Variants in F9 observed in about 807,000 individuals in gnomAD.
F9 encodes coagulation factor IX, also known as Christmas factor.
F9 carries 2 observed loss-of-function variants against 34.1 expected under a neutral mutation model. That is an observed-to-expected ratio of 0.06 (90% CI 0.02 to 0.18). The LOEUF is 0.18. F9 is among the 10% of genes least tolerant of loss of function. F9 has a pLI of 1.00. For missense variants in F9, 216 were observed against 345.1 expected (o/e 0.63, Z 2.96); for synonymous variants, 137 against 118.8 (o/e 1.15, Z -1.00).
chrX:139,541,440 G>A (rs949951675), intron 4 of F9, among the ~76,000 whole-genome samples: 1 of 111,588 alleles, frequency 9.0e-6, no homozygotes, highest in South Asian at 3.8e-4. Flanking sequence ...TAATACAACC[G>A]TATGTGGTTA....
chrX:139,530,982 C>G (rs887820254), intron 1 of F9, 130 bp downstream of exon 1: 1 of 572,888 alleles, frequency 1.7e-6, no homozygotes, highest in Non-Finnish European at 3.0e-6. Flanking sequence ...ACAGCCAGCA[C>G]GCAGGTTGGT....
intron 1 of F9, among the ~76,000 whole-genome samples, chrX:139,534,959 G>A (rs984273743): frequency 6.3e-5 from 7 of 111,692 alleles, no homozygotes; most frequent in Non-Finnish European, 1.3e-4. Flanking sequence ...GGAAGAGAAG[G>A]ATGAAGGCAG....
At position 139,549,342 on chromosome X, in the gene F9, G is replaced by A. The variant is rs1222519102; in HGVS notation, c.520+851G>A. 8.1e-5 allele frequency among the ~76,000 whole-genome samples: 9 copies of A among 111,250 alleles called. No homozygotes were observed. In the Admixed American group the frequency reaches 8.6e-4, roughly 11 times the overall value. ...ACCTGTCTCAGCACTATACCAGGCA[G>A]AAGAAATTAAAGAAAGAACCAGTGC... On this transcript the variant is annotated intron_variant, in intron 5 of 7. Transcript: ENST00000218099.
At chrX:139,556,215 C>T (rs1195728737) in intron 6 of F9, among the ~76,000 whole-genome samples, 1 of 111,948 alleles carries the variant, frequency 8.9e-6, no homozygotes, top group Non-Finnish European at 1.9e-5. Context: ...TTAAGCTTTC[C>T]TTATGCTTAT....
chrX:139,541,016 G>T (rs1014069277), intron 3 of F9, 60 bp from the exon 4 acceptor site: 21 of 853,641 alleles, frequency 2.5e-5, no homozygotes, highest in Non-Finnish European at 3.6e-5. Flanking sequence ...TATCTACAGG[G>T]GAGGACCGGG....
chrX:139,557,401 G>T (rs1192942875), intron 6 of F9, among the ~76,000 whole-genome samples: 2 of 111,963 alleles, frequency 1.8e-5, no homozygotes, highest in Non-Finnish European at 3.8e-5. Flanking sequence ...TTGGTCAGGG[G>T]TTGGCAAAAA....
chrX:139,536,212 C>CTGTGT (rs1256464729), intron 1 of F9, among the ~76,000 whole-genome samples: 2 of 74,456 alleles, frequency 2.7e-5, no homozygotes, highest in African/African-American at 1.0e-4. Context: ...CATATATACA[C>CTGTGT]ACACATATAT....
chrX:139,559,243 T>G (rs1928040286), intron 6 of F9, among the ~76,000 whole-genome samples: 1 of 112,176 alleles, frequency 8.9e-6, no homozygotes, highest in Admixed American at 9.4e-5. Context: ...ATTTCAGAAT[T>G]AAAAGCAACA....
chrX:139,558,514 A>C lies in F9; in HGVS notation c.724-2227A>C, dbSNP rs1056074509. 2.6e-5 allele frequency among the ~76,000 whole-genome samples: 3 copies of C among 113,344 alleles called. No homozygotes were observed. The Admixed American group carries it at 2.8e-4, about 10-fold the overall frequency. ...AATATCCCCATGCTAGAAGGAGCAAAATATTAAATGGCAAATTTTAAAAAT... is the reference window on the plus strand; with the variant it reads ...AATATCCCCATGCTAGAAGGAGCAACATATTAAATGGCAAATTTTAAAAAT... On this transcript the variant is annotated intron_variant, in intron 6 of 7. Coordinates refer to ENST00000218099, the MANE Select transcript of F9 (RefSeq NM_000133.4).
chrX:139,539,577 A>G (rs1222755919), intron 3 of F9, among the ~76,000 whole-genome samples: 2 of 112,716 alleles, frequency 1.8e-5, no homozygotes, highest in Non-Finnish European at 3.7e-5. Context: ...TTTTAACGAC[A>G]TGTCTCAGCA....
At chrX:139,543,173 A>C (rs1228989899) in intron 4 of F9, among the ~76,000 whole-genome samples, 1 of 109,857 alleles carries the variant, frequency 9.1e-6, no homozygotes, top group Non-Finnish European at 1.9e-5. Flanking sequence ...GATTTTCATC[A>C]ATAAGAGTTT....
intron 1 of F9, among the ~76,000 whole-genome samples, chrX:139,533,186 A>G (rs180812768): frequency 1.8e-5 from 2 of 112,231 alleles, no homozygotes; most frequent in East Asian, 5.6e-4. Flanking sequence ...CCATCTGGGT[A>G]TGGAAGGGGA....
intron 5 of F9, among the ~76,000 whole-genome samples, chrX:139,549,118 G>C (rs186238187): frequency 1.8e-5 from 2 of 111,521 alleles, no homozygotes; most frequent in African/African-American, 6.5e-5. Context: ...CTCCATGTTC[G>C]TATGGCTGTT....
At chrX:139,558,449 C>T (rs1049245770) in intron 6 of F9, among the ~76,000 whole-genome samples, 1 of 113,555 alleles carries the variant, frequency 8.8e-6, no homozygotes, top group Non-Finnish European at 1.9e-5. Flanking sequence ...TTGTAGGGTG[C>T]ACTTCCTGGG....
intron 4 of F9, chrX:139,544,944 T>C (rs1313863355): frequency 9.0e-6 from 1 of 111,612 alleles, no homozygotes; most frequent in Non-Finnish European, 1.9e-5. Flanking sequence ...TTGGATATGC[T>C]TGGGTACCCA....
At chrX:139,539,391 C>A (rs1274882056) in intron 3 of F9, among the ~76,000 whole-genome samples, 1 of 112,179 alleles carries the variant, frequency 8.9e-6, no homozygotes, top group Non-Finnish European at 1.9e-5. Context: ...GCCTTCAAAT[C>A]TAAATGCAGT....
At chrX:139,542,758 G>A (rs1927630760) in intron 4 of F9, among the ~76,000 whole-genome samples, 1 of 111,722 alleles carries the variant, frequency 9.0e-6, no homozygotes, top group South Asian at 3.7e-4. Context: ...AACAGAGTTT[G>A]CTACGTGTGT....
chrX:139,561,409 A>C (rs2148367541), intron 7 of F9, 115 bp from the exon 8 acceptor site: 1 of 671,017 alleles, frequency 1.5e-6, no homozygotes, highest in Non-Finnish European at 2.3e-6. Flanking sequence ...TTATCACAAT[A>C]TAAGAATGAG....
chrX:139,537,439 G>A, intron 3 of F9, 53 bp downstream of exon 3: 1 of 1,031,462 alleles, frequency 9.7e-7, no homozygotes, highest in East Asian at 3.0e-5. Flanking sequence ...TGAGAATTAT[G>A]TGGGTTTTTT....
Sources: allele counts gnomAD v4.1 joint callset (sites outside exome capture counted in the v4.1 genomes callset), GRCh38; gene constraint gnomAD v4.1.1; transcripts MANE v1.5; gene names NCBI Gene and HGNC (gene_info 2026-07-23, HGNC 2026-07-21).